Variants in AMBRA1 observed in about 807,000 individuals in gnomAD.
AMBRA1 encodes activating molecule in BECN1-regulated autophagy protein 1.
A neutral mutation model predicts 125.4 loss-of-function variants in AMBRA1; 47 were observed. The observed-to-expected ratio is 0.37, with a 90% CI of 0.30 to 0.48. AMBRA1 has a LOEUF of 0.48. Among genes scored for constraint, AMBRA1 ranks in the 20% least tolerant of loss-of-function variants. The pLI is 0.99. For synonymous variants in AMBRA1, 626 were observed against 655.5 expected (o/e 0.95, Z 0.69); for missense variants, 1,331 against 1,693.4 (o/e 0.79, Z 3.76).
At chr11:46,426,384 G>A (rs973829244) in intron 14 of AMBRA1, among the ~76,000 whole-genome samples, 3 of 152,214 alleles carry the variant, frequency 2.0e-5, no homozygotes, top group Admixed American at 6.5e-5. Context: ...GCACTACAGA[G>A]GAAGGGACTA....
chr11:46,411,107 A>G (rs1236307075), intron 15 of AMBRA1, among the ~76,000 whole-genome samples: 1 of 150,814 alleles, frequency 6.6e-6, no homozygotes, highest in Non-Finnish European at 1.5e-5. Context: ...CTCAAAAAAA[A>G]AAAAAAAGAA....
At chr11:46,498,794 C>T (rs1233489498) in intron 9 of AMBRA1, among the ~76,000 whole-genome samples, 3 of 152,214 alleles carry the variant, frequency 2.0e-5, no homozygotes, top group Non-Finnish European at 4.4e-5. Flanking sequence ...GGCCACTGTC[C>T]TCTTGACAGT....
At chr11:46,513,882 C>CTT (rs776154052) in intron 7 of AMBRA1, among the ~76,000 whole-genome samples, 10 of 140,962 alleles carry the variant, frequency 7.1e-5, no homozygotes, top group African/African-American at 1.8e-4. Flanking sequence ...TTAGCTACAA[C>CTT]TTTTTTTTTT....
At chr11:46,416,595 G>A (rs1423783750) in intron 15 of AMBRA1, among the ~76,000 whole-genome samples, 2 of 152,182 alleles carry the variant, frequency 1.3e-5, no homozygotes, top group Non-Finnish European at 2.9e-5. Context: ...GGCCACATGA[G>A]CTGACCCAAA....
intron 11 of AMBRA1, chr11:46,491,002 A>G (rs1950439531): frequency 6.6e-6 from 1 of 152,228 alleles, no homozygotes; most frequent in Admixed American, 6.5e-5. Context: ...GCTCAATTAC[A>G]TGATCACAAG....
At chr11:46,481,499 G>A (rs1255112661) in intron 11 of AMBRA1, among the ~76,000 whole-genome samples, 2 of 152,102 alleles carry the variant, frequency 1.3e-5, no homozygotes, top group African/African-American at 4.8e-5. Context: ...GAGTAGCTGG[G>A]ATTACAGGCA....
chr11:46,496,177 C>T (rs769430727), intron 9 of AMBRA1, among the ~76,000 whole-genome samples: 17 of 151,752 alleles, frequency 1.1e-4, no homozygotes, highest in Admixed American at 5.9e-4. Flanking sequence ...AGTTCGAGAC[C>T]AGCCTGGCCA....
chr11:46,429,009 C>A, intron 14 of AMBRA1: 1 of 1,612,090 alleles, frequency 6.2e-7, no homozygotes, highest in East Asian at 2.2e-5. Context: ...GACTGCATGG[C>A]CTTCATGACA....
chr11:46,424,524 C>T (rs1947018470), intron 14 of AMBRA1, among the ~76,000 whole-genome samples: 2 of 152,218 alleles, frequency 1.3e-5, no homozygotes, highest in Admixed American at 6.5e-5. Context: ...AAAAGAAATA[C>T]TGAGGCACTC....
rs1271845591 is a variant in AMBRA1 at position 46,397,727 on chromosome 11, T to C, written c.3620A>G (p.Gln1207Arg). ...GAGCAGTCCCCGAGAGGTGGAGGGCTGGGGTGAGGAGGTGTGGGCGGCACC... is the reference window on the plus strand; with the variant it reads ...GAGCAGTCCCCGAGAGGTGGAGGGCCGGGGTGAGGAGGTGTGGGCGGCACC... ...EPGAAHTSSP[Q>R]PSTSRGLLPE... Residue 1207 changes from glutamine to arginine, a missense_variant, in exon 18 of 18, where the codon CAG (glutamine) becomes CGG (arginine). Transcript: ENST00000683756. 1 of 1,613,086 alleles carries C rather than the reference T, an allele frequency of 6.2e-7. No individual in the cohort carries two copies. The highest frequency in any genetic ancestry group is 8.5e-7 in the Non-Finnish European group (1 of 1,179,908).
chr11:46,419,995 T>TACACAC (rs34070050), intron 14 of AMBRA1, among the ~76,000 whole-genome samples: 26 of 129,106 alleles, frequency 2.0e-4, no homozygotes, highest in Non-Finnish European at 2.9e-4. Flanking sequence ...GTGTCCTCAA[T>TACACAC]ACACACACAC....
chr11:46,517,047 C>T (rs754819622), intron 7 of AMBRA1, among the ~76,000 whole-genome samples: 8 of 151,664 alleles, frequency 5.3e-5, no homozygotes, highest in Admixed American at 2.0e-4. Context: ...GTGAGGTATA[C>T]GAGGGGTTGT....
chr11:46,462,713 C>T (rs1949147452), intron 11 of AMBRA1, among the ~76,000 whole-genome samples: 1 of 151,802 alleles, frequency 6.6e-6, no homozygotes, highest in African/African-American at 2.4e-5. Context: ...CCCCTTCATC[C>T]CTCATCTCCC....
chr11:46,568,484 A>G (rs183441453), intron 1 of AMBRA1, among the ~76,000 whole-genome samples: 284 of 151,626 alleles, frequency 1.9e-3, no homozygotes, highest in African/African-American at 6.7e-3. Context: ...AAAAACAAAA[A>G]AAAAGTGGCC....
At chr11:46,563,234 C>G (rs2043398145) in intron 1 of AMBRA1, among the ~76,000 whole-genome samples, 1 of 151,988 alleles carries the variant, frequency 6.6e-6, no homozygotes, top group Admixed American at 6.6e-5. Context: ...GAACATAGAC[C>G]TCATCTCTTT....
At chr11:46,456,556 GAGAA>G (rs1948853039) in intron 11 of AMBRA1, among the ~76,000 whole-genome samples, 1 of 152,180 alleles carries the variant, frequency 6.6e-6, no homozygotes, top group African/African-American at 2.4e-5. Flanking sequence ...AAAGGTGAGA[GAGAA>G]AGAAAAAGAG....
intron 16 of AMBRA1, among the ~76,000 whole-genome samples, chr11:46,409,246 C>T: frequency 6.6e-6 from 1 of 151,818 alleles, no homozygotes; most frequent in East Asian, 1.9e-4. Flanking sequence ...CGCCCTGTCA[C>T]CCAGGCTGTA....
chr11:46,483,683 TG>T (rs1950161955), intron 11 of AMBRA1, among the ~76,000 whole-genome samples: 1 of 152,186 alleles, frequency 6.6e-6, no homozygotes, highest in Admixed American at 6.5e-5. Flanking sequence ...GTGGATCACC[TG>T]AAGTCAGGAG....
intron 11 of AMBRA1, among the ~76,000 whole-genome samples, chr11:46,465,175 C>T (rs186176035): frequency 9.2e-5 from 14 of 152,136 alleles, no homozygotes; most frequent in Admixed American, 2.0e-4. Context: ...TTATTCAAAC[C>T]GATCCAATCC....
Sources: allele counts gnomAD v4.1 joint callset (sites outside exome capture counted in the v4.1 genomes callset), GRCh38; gene constraint gnomAD v4.1.1; transcripts MANE v1.5; gene names NCBI Gene and HGNC (gene_info 2026-07-23, HGNC 2026-07-21).